The following CLEC2A variants were observed in gnomAD, a reference collection of about 807,000 sequenced individuals.
CLEC2A encodes C-type lectin domain family 2 member A.
Under a neutral mutation model 18.6 loss-of-function variants are expected in CLEC2A, and 19 were observed. The ratio of observed to expected loss-of-function variants is 1.02; its 90% confidence interval spans 0.71 to 1.50. The LOEUF (loss-of-function observed/expected upper bound fraction) is 1.50, where lower values mean the gene tolerates loss of function less well. Ranked by LOEUF, CLEC2A falls within the 40% of genes most tolerant of loss-of-function variation. CLEC2A has a pLI of 0.00. For synonymous variants in CLEC2A, 74 were observed against 64.0 expected, an observed-to-expected ratio of 1.16 and a Z score of -0.75; for missense variants, 190 against 207.9, an observed-to-expected ratio of 0.91 and a Z score of 0.53.
chr12:9,917,734 G>A (rs1488923127), intron 3 of CLEC2A, among the ~76,000 whole-genome samples: 1 of 152,190 alleles, frequency 6.6e-6, no homozygotes, highest in African/African-American at 2.4e-5. Flanking sequence ...TAGTGTATAA[G>A]TGTTCTTTTC....
At chr12:9,887,125 G>A in the CLEC2A span, among the ~76,000 whole-genome samples, 1 of 151,824 alleles carries the variant, frequency 6.6e-6, no homozygotes, top group Non-Finnish European at 1.5e-5. Context: ...GAAGAAAATA[G>A]GTGAAAAAAA....
rs150203660 is a variant in CLEC2A, at chr12:9,921,027, T to C, written c.306+1039A>G. ...ACATGGCATCACTAGTCATCTTGCCTGGGTTCAAATCCCAGCCCAACAACT... is the reference window on the plus strand; with the variant it reads ...ACATGGCATCACTAGTCATCTTGCCCGGGTTCAAATCCCAGCCCAACAACT... On this transcript the variant is annotated intron_variant, in intron 3 of 4. Transcript: ENST00000455827. Among the ~76,000 whole-genome samples, 488 of 152,350 alleles carry C rather than the reference T, an allele frequency of 3.2e-3. 3 individuals are homozygous for C. Among genetic ancestry groups the C allele is most frequent in the African/African-American group, 7.3e-3 (303 of 41,588 alleles).
chr12:9,913,716 C>T, intron 4 of CLEC2A, 36 bp from the exon 5 acceptor site: 1 of 1,306,994 alleles, frequency 7.7e-7, no homozygotes, highest in Non-Finnish European at 1.0e-6. Flanking sequence ...CTGGGAACCA[C>T]TTACGGCTGT....
At chr12:9,893,583 AATTATT>A in the CLEC2A span, 5 of 699,958 alleles carry the variant, frequency 7.1e-6, no homozygotes, top group Non-Finnish European at 1.1e-5. Flanking sequence ...ATGTTTATAG[AATTATT>A]TTTATATTAA....
the CLEC2A span, among the ~76,000 whole-genome samples, chr12:9,885,188 T>C: frequency 1.3e-5 from 2 of 151,804 alleles, no homozygotes; most frequent in African/African-American, 2.4e-5. Flanking sequence ...AATGCTCAAA[T>C]GCAAGCTTGG....
Position 9,922,151 on chromosome 12 carries a change from T to C in CLEC2A, c.221A>G (p.Asp74Gly). ...GVRDKCFYFS[D>G]DTRNWTASKI... ...ACTGGCTGTCCAATTTCTGGTATCA[T>C]CAGAAAAATAGAAACACTTATCTCT... The change falls in exon 3 of 5, where the codon GAT (aspartate) becomes GGT (glycine). Residue 74 changes from aspartate (D) to glycine (G), a missense_variant. Asp to Gly is a moderately conservative substitution (Grantham distance 94). Transcript: ENST00000455827. 2 of 1,550,686 alleles carry C rather than the reference T, an allele frequency of 1.3e-6. No individual in the cohort carries two copies. The highest frequency in any genetic ancestry group is 8.7e-7 in the Non-Finnish European group (1 of 1,146,316).
In CLEC2A at chr12:9,922,201, T is replaced by G; in HGVS notation, c.171A>C (p.Ala57=). Residue 57 remains alanine (A), a synonymous_variant, in exon 3 of 5, where the codon GCA becomes GCC. Coordinates refer to ENST00000455827, the MANE Select transcript of CLEC2A (RefSeq NM_001130711.2). ...TCACTCCAAGCCAGTCCCCTGAACA[T>G]GCCACAGGTTTAGCATGCTTGGACC... is the stretch of plus-strand genomic sequence containing the variant. ...ATWSKHAKPV[A]CSGDWLGVRD... 1 of 1,549,690 alleles carries G rather than the reference T, an allele frequency of 6.5e-7. No homozygotes were observed. The highest frequency in any genetic ancestry group is 1.2e-5 in the South Asian group (1 of 83,514).
the CLEC2A span, chr12:9,893,445 G>C: frequency 1.4e-6 from 2 of 1,478,490 alleles, no homozygotes; most frequent in Non-Finnish European, 1.8e-6. Flanking sequence ...ATACAGAACA[G>C]TTTAAAACCT....
At chr12:9,906,761 A>C (rs112058570) in intron 4 of CLEC2A, among the ~76,000 whole-genome samples, 1 of 152,240 alleles carries the variant, frequency 6.6e-6, no homozygotes, top group Non-Finnish European at 1.5e-5. Flanking sequence ...GGAGCCATCT[A>C]TAAACAAATA....
In CLEC2A at chr12:9,918,860, G is replaced by C. The variant is rs548815211; in HGVS notation, c.307-2057C>G. The stretch of plus-strand genomic sequence containing the variant: ...ACTGCAGTGTATATTTAGTACAGTC[G>C]ATAGATCTCTTTTCTGTTTGTTTTC... On this transcript the variant is annotated intron_variant, in intron 3 of 4. Coordinates refer to ENST00000455827, the MANE Select transcript of CLEC2A (RefSeq NM_001130711.2). Among the ~76,000 whole-genome samples, 9 of 152,272 alleles carry C rather than the reference G, an allele frequency of 5.9e-5. No individual in the cohort carries two copies. The South Asian group carries it at 1.9e-3, about 32-fold the overall frequency.
downstream of CLEC2A, among the ~76,000 whole-genome samples, chr12:9,912,246 GA>G (rs1293308885): frequency 6.6e-6 from 1 of 152,188 alleles, no homozygotes; most frequent in Non-Finnish European, 1.5e-5. Context: ...CTTGGGTGGG[GA>G]AGGGGAAGGC....
chr12:9,913,831 C>T (rs1005058885), intron 4 of CLEC2A, among the ~76,000 whole-genome samples, 151 bp from the exon 5 acceptor site: 94 of 152,252 alleles, frequency 6.2e-4, no homozygotes, highest in African/African-American at 2.2e-3. Flanking sequence ...ATTAAAATAT[C>T]TGGTATATTA....
downstream of CLEC2A, among the ~76,000 whole-genome samples, chr12:9,898,265 C>A (rs1400713419): frequency 6.6e-6 from 1 of 152,214 alleles, no homozygotes; most frequent in African/African-American, 2.4e-5. Flanking sequence ...CCCTCCTGGT[C>A]CTCAAAAGTG....
chr12:9,882,548 T>G, the CLEC2A span, among the ~76,000 whole-genome samples: 1 of 151,922 alleles, frequency 6.6e-6, no homozygotes, highest in Non-Finnish European at 1.5e-5. Context: ...GATGCAGAGG[T>G]GGGCGGGTCA....
At chr12:9,881,035 T>G in the CLEC2A span, among the ~76,000 whole-genome samples, 5 of 152,354 alleles carry the variant, frequency 3.3e-5, no homozygotes, top group African/African-American at 1.2e-4. Context: ...TTAAATTCTT[T>G]GCAAGTGATT....
chr12:9,913,387 C>T lies in CLEC2A; in HGVS notation c.*179G>A, dbSNP rs565158530. The T allele has an allele frequency of 4.1e-4, 450 of 1,093,950 alleles. 3 individuals carry two copies. In the South Asian group the frequency reaches 4.7e-3, roughly 11 times the overall value. 67.8% of individuals were successfully genotyped at this position (1,093,950 alleles called of 1,614,324 possible). ...TGCCCTTATAAAAGGCTCCAGAGAACGGCCTTGTCTCTTTAACCATGGCAG... is the reference window on the plus strand; with the variant it reads ...TGCCCTTATAAAAGGCTCCAGAGAATGGCCTTGTCTCTTTAACCATGGCAG... On this transcript the variant is annotated 3_prime_UTR_variant, in exon 5 of 5. Transcript: ENST00000455827.
intron 4 of CLEC2A, among the ~76,000 whole-genome samples, chr12:9,902,416 A>G (rs1862843959): frequency 6.6e-6 from 1 of 151,928 alleles, no homozygotes; most frequent in South Asian, 2.1e-4. Context: ...AATTTGTAGT[A>G]GAAACGAGGT....
intron 4 of CLEC2A, among the ~76,000 whole-genome samples, chr12:9,903,174 CTT>C (rs1460739763): frequency 5.9e-5 from 9 of 151,576 alleles, no homozygotes; most frequent in South Asian, 2.1e-4. Context: ...CAATTTCCCT[CTT>C]TGTTTTTTTT....
At chr12:9,921,103 C>G (rs1863165382) in intron 3 of CLEC2A, among the ~76,000 whole-genome samples, 1 of 152,076 alleles carries the variant, frequency 6.6e-6, no homozygotes, top group Admixed American at 6.5e-5. Flanking sequence ...ACTGACTTTC[C>G]TCATCTTTAA....
Sources: allele counts gnomAD v4.1 joint callset (sites outside exome capture counted in the v4.1 genomes callset), GRCh38; gene constraint gnomAD v4.1.1; transcripts MANE v1.5; gene names NCBI Gene and HGNC (gene_info 2026-07-23, HGNC 2026-07-21).